The following LMBRD1 variants were observed in gnomAD, a reference collection of about 807,000 sequenced individuals.
LMBRD1 encodes the protein lysosomal cobalamin transport escort protein LMBD1.
Under a neutral mutation model 74.8 loss-of-function variants are expected in LMBRD1, and 64 were observed. The observed-to-expected ratio is 0.86, with a 90% CI of 0.70 to 1.05. The LOEUF (loss-of-function observed/expected upper bound fraction) is 1.05, where lower values mean the gene tolerates loss of function less well. Among genes scored for constraint, LMBRD1 ranks in the 50% least tolerant of loss-of-function variants. The pLI is 0.00. For synonymous variants in LMBRD1, 204 were observed against 216.3 expected (o/e 0.94, Z 0.50); for missense variants, 652 against 645.9 (o/e 1.01, Z -0.10).
intron 5 of LMBRD1, among the ~76,000 whole-genome samples, chr6:69,745,291 GC>G (rs561397924): frequency 8.7e-5 from 12 of 137,834 alleles, no homozygotes; most frequent in Non-Finnish European, 9.2e-5. Context: ...TCGCTCTGTC[GC>G]CCAGGTCGGA....
chr6:69,750,593 AG>A (rs1765113601), intron 4 of LMBRD1, among the ~76,000 whole-genome samples: 1 of 152,106 alleles, frequency 6.6e-6, no homozygotes, highest in Admixed American at 6.5e-5. Context: ...TTATTCACAA[AG>A]GGGGTAAGAT....
chr6:69,762,683 T>C (rs1305002666), intron 3 of LMBRD1, among the ~76,000 whole-genome samples: 5 of 151,940 alleles, frequency 3.3e-5, no homozygotes, highest in Non-Finnish European at 7.4e-5. Flanking sequence ...GGTGGGGTCT[T>C]TGGGGGGTAA....
At chr6:69,704,019 A>T (rs775741815) in intron 9 of LMBRD1, among the ~76,000 whole-genome samples, 2 of 152,002 alleles carry the variant, frequency 1.3e-5, no homozygotes, top group African/African-American at 2.4e-5. Flanking sequence ...TTTTTCCAGA[A>T]ATGACACAGA....
Position 69,741,799 on chromosome 6 carries a change from A to G in LMBRD1, c.552T>C (p.Leu184=). 1 of 1,584,654 alleles carries G rather than the reference A, an allele frequency of 6.3e-7. No individual in the cohort carries two copies. The highest frequency in any genetic ancestry group is 8.7e-7 in the Non-Finnish European group (1 of 1,153,432). Residue 184 remains leucine, a synonymous_variant, in exon 6 of 16, where the codon CTT becomes CTC. Transcript: ENST00000649934. ...WEKVKSLFEE[L]GSSHGLAALS... is the part of the protein sequence containing the mutation. ...AAAAACAATACTTACGACTACTTCC[A>G]AGTTCTTCAAATAGGGACTTCACTT...
chr6:69,719,706 T>C (rs758718824), intron 7 of LMBRD1, among the ~76,000 whole-genome samples: 6 of 152,220 alleles, frequency 3.9e-5, no homozygotes, highest in Non-Finnish European at 8.8e-5. Context: ...TCATTAATAA[T>C]ACTTAATGGC....
Position 69,737,937 on chromosome 6 carries a change from C to T in LMBRD1, c.636+5G>A, listed in dbSNP as rs778152860. On this transcript the variant is annotated splice_donor_5th_base_variant and intron_variant, in intron 7 of 15. Transcript: ENST00000649934. The stretch of plus-strand genomic sequence containing the variant: ...TTTTAACTCAATTATCCCCATTTCA[C>T]TTACTGTGTAAGTTATAGCTGCCAA... 1.9e-6 allele frequency: 3 copies of T among 1,603,498 alleles called. No homozygotes were observed. The highest frequency in any genetic ancestry group is 2.6e-6 in the Non-Finnish European group (3 of 1,171,892).
chr6:69,698,518 A>T (rs1168107326), intron 13 of LMBRD1, among the ~76,000 whole-genome samples: 4 of 152,170 alleles, frequency 2.6e-5, no homozygotes, highest in African/African-American at 9.6e-5. Flanking sequence ...CAGAAAATCC[A>T]AACTTACTGT....
chr6:69,684,858 A>G (rs925104014), intron 14 of LMBRD1, among the ~76,000 whole-genome samples: 1 of 152,170 alleles, frequency 6.6e-6, no homozygotes, highest in Non-Finnish European at 1.5e-5. Context: ...AGATAAAGTG[A>G]GCAAGAAGCT....
At chr6:69,762,033 G>C (rs1487304611) in intron 3 of LMBRD1, among the ~76,000 whole-genome samples, 1 of 152,140 alleles carries the variant, frequency 6.6e-6, no homozygotes, top group Admixed American at 6.5e-5. Context: ...AGCAGTCATA[G>C]ACAACACATA....
rs1477414256 is a variant in LMBRD1, at chr6:69,787,238, CA to C, written c.246+3057del. Among the ~76,000 whole-genome samples, 4 of 152,022 alleles carry C rather than the reference CA, an allele frequency of 2.6e-5. No homozygotes were observed. The East Asian group carries it at 7.7e-4, about 29-fold the overall frequency. On this transcript the variant is annotated intron_variant, in intron 2 of 15. Transcript: ENST00000649934. ...CTAGAGTTTATCAGGAAAATGTTTT[CA>C]AAAATTTTTTCAGTACTACTTTTGA...
chr6:69,726,125 A>T (rs1469137808), intron 7 of LMBRD1, among the ~76,000 whole-genome samples: 1 of 152,222 alleles, frequency 6.6e-6, no homozygotes, highest in Non-Finnish European at 1.5e-5. Context: ...AGACAAATGA[A>T]AAGGTGCTCA....
intron 2 of LMBRD1, among the ~76,000 whole-genome samples, chr6:69,784,477 T>C (rs751511645): frequency 9.9e-5 from 15 of 152,164 alleles, no homozygotes; most frequent in Non-Finnish European, 1.8e-4. Flanking sequence ...CATGGGGCAT[T>C]TGACAATGTC....
At chr6:69,792,458 T>TA (rs1766107724) in intron 1 of LMBRD1, among the ~76,000 whole-genome samples, 1 of 152,224 alleles carries the variant, frequency 6.6e-6, no homozygotes, top group African/African-American at 2.4e-5. Context: ...ACAGTGCATT[T>TA]AAAACCCATC....
intron 13 of LMBRD1, 95 bp from the exon 14 acceptor site, chr6:69,697,736 C>T (rs1766037678): frequency 1.5e-6 from 1 of 678,450 alleles, no homozygotes; most frequent in Non-Finnish European, 2.6e-6. Context: ...ACTCTGTATA[C>T]TAACTACATC....
Position 69,685,984 on chromosome 6 carries a change from TG to T in LMBRD1, c.1418-9444del, listed in dbSNP as rs773642269. Among the ~76,000 whole-genome samples, 14 of 152,208 alleles carry T rather than the reference TG, an allele frequency of 9.2e-5. No homozygotes were observed. In the South Asian group the frequency reaches 1.7e-3, roughly 18 times the overall value. ...TGGAAAGGGGATGTAAGGGTCATTA[TG>T]GCAAACAAAACAAAATAAAACAAGA... On this transcript the variant is annotated intron_variant, in intron 14 of 15. Transcript: ENST00000649934.
At chr6:69,781,800 T>C (rs1016979714) in intron 2 of LMBRD1, among the ~76,000 whole-genome samples, 6 of 152,174 alleles carry the variant, frequency 3.9e-5, no homozygotes, top group Admixed American at 1.3e-4. Flanking sequence ...CATTTAAAGA[T>C]TGTAAATACC....
chr6:69,779,047 G>A lies in LMBRD1; in HGVS notation c.307+1447C>T, dbSNP rs1264833195. On this transcript the variant is annotated intron_variant, in intron 3 of 15. Transcript: ENST00000649934. ...CTAAAAATACAAAAATTAGCTGGGC[G>A]TGATGGTGTGTGCCTGTAATCCCAG... 5.9e-5 allele frequency among the ~76,000 whole-genome samples: 9 copies of A among 151,974 alleles called. No homozygotes were observed. The East Asian group carries it at 9.7e-4, about 16-fold the overall frequency.
At position 69,785,277 on chromosome 6, in the gene LMBRD1, C is replaced by T. The variant is rs1050739506; in HGVS notation, c.247-4723G>A. Among the ~76,000 whole-genome samples the T allele has an allele frequency of 3.3e-5, 5 of 152,300 alleles. No homozygotes were observed. The East Asian group carries it at 5.8e-4, about 18-fold the overall frequency. ...CTACACGATAGAGAACTCCAGTCCT[C>T]GGTCCAGTGTCAAGGCTTCTCTGAC... On this transcript the variant is annotated intron_variant, in intron 2 of 15. Coordinates refer to ENST00000649934, the MANE Select transcript of LMBRD1 (RefSeq NM_018368.4).
intron 3 of LMBRD1, among the ~76,000 whole-genome samples, chr6:69,753,029 G>A (rs1765195391): frequency 6.6e-6 from 1 of 152,006 alleles, no homozygotes; most frequent in Non-Finnish European, 1.5e-5. Flanking sequence ...TCATGACCCT[G>A]TTTTCAATTC....
Sources: gnomAD v4.1 joint callset for allele counts (sites outside exome capture counted in the v4.1 genomes callset) on GRCh38, gnomAD v4.1.1 for gene constraint, MANE v1.5 for transcripts, NCBI Gene and HGNC (gene_info 2026-07-23, HGNC 2026-07-21) for gene names.